The following RAB15 variants were observed in gnomAD, a reference collection of about 807,000 sequenced individuals.
RAB15 encodes RAB15, member RAS oncogene family.
Under a neutral mutation model 31.8 loss-of-function variants are expected in RAB15, and 13 were observed. That is an observed-to-expected ratio of 0.41 (90% CI 0.27 to 0.65). The LOEUF is 0.65. Ranked by LOEUF, RAB15 falls within the 30% of genes least tolerant of loss-of-function variation. The pLI, the probability that RAB15 is intolerant of heterozygous loss-of-function variation, is 0.32. For synonymous variants in RAB15, 100 were observed against 105.6 expected, an observed-to-expected ratio of 0.95 and a Z score of 0.33; for missense variants, 220 against 277.3, an observed-to-expected ratio of 0.79 and a Z score of 1.47.
At chr14:64,964,538 AG>A (rs1566848600) in intron 1 of RAB15, among the ~76,000 whole-genome samples, 29 of 150,870 alleles carry the variant, frequency 1.9e-4, no homozygotes, top group African/African-American at 6.9e-4. Context: ...AAAGAAAAAA[AG>A]AAAAAAGAAA....
chr14:64,961,135 T>C (rs1886831197), intron 1 of RAB15, among the ~76,000 whole-genome samples: 1 of 152,140 alleles, frequency 6.6e-6, no homozygotes, highest in Non-Finnish European at 1.5e-5. Context: ...AACAACCTAA[T>C]ACACCTGAAA....
chr14:64,947,224 G>A lies in RAB15; in HGVS notation c.*1130C>T, dbSNP rs1396727787. On this transcript the variant is annotated 3_prime_UTR_variant, in exon 7 of 7. Coordinates refer to ENST00000533601, the MANE Select transcript of RAB15 (RefSeq NM_001308154.2). This position sits in a 1 kb window ranked among gnomAD's most constrained non-coding sequence, Gnocchi z 5.6. ...TCTTACCTAAGAAATGGAAGATGGGGCCTAGGAGGCCCTGCTGTTGCTACA... is the reference window on the plus strand; with the variant it reads ...TCTTACCTAAGAAATGGAAGATGGGACCTAGGAGGCCCTGCTGTTGCTACA... The A allele has an allele frequency of 6.6e-6, 1 of 152,412 alleles. No homozygotes were observed. The highest frequency in any genetic ancestry group is 1.5e-5 in the Non-Finnish European group (1 of 68,066). 9.4% of individuals were successfully genotyped at this position (152,412 alleles called of 1,614,324 possible).
chr14:64,971,756 G>T lies in RAB15; in HGVS notation c.124+197C>A. ...CAAGAGGCGGGAGACCCCACCCCTGGTCCGGACGGCAGGCAGCAGGGACAC... is the reference window on the plus strand; with the variant it reads ...CAAGAGGCGGGAGACCCCACCCCTGTTCCGGACGGCAGGCAGCAGGGACAC... On this transcript the variant is annotated intron_variant, in intron 1 of 6. Coordinates refer to ENST00000533601, the MANE Select transcript of RAB15 (RefSeq NM_001308154.2). The surrounding 1 kb of genome is among the most constrained non-coding windows in gnomAD (Gnocchi z 4.1). The T allele has an allele frequency of 1.7e-6, 1 of 587,422 alleles. No homozygotes were observed. The highest frequency in any genetic ancestry group is 3.0e-6 in the Non-Finnish European group (1 of 333,188). The allele number at this position is 587,422 out of a possible 1,614,324, so 36.4% of individuals were successfully genotyped here. A position where few individuals can be genotyped will look rare whatever the true frequency, so the allele number is the denominator to read the frequency against.
In RAB15 at chr14:64,948,350, G is replaced by C. The variant is rs753730535; in HGVS notation, c.*4C>G. The C allele has an allele frequency of 1.9e-6, 3 of 1,545,348 alleles. No homozygotes were observed. The African/African-American group carries it at 4.1e-5, about 21-fold the overall frequency. On this transcript the variant is annotated 3_prime_UTR_variant, in exon 7 of 7. Coordinates refer to ENST00000533601, the MANE Select transcript of RAB15 (RefSeq NM_001308154.2). The surrounding 1 kb of genome is among the most constrained non-coding windows in gnomAD (Gnocchi z 7.0). ...GGTGTCGTGTGGGGTGCCCCACACAGGACTCAGCACCAGCAGGTTTTCGAA... is the reference window on the plus strand; with the variant it reads ...GGTGTCGTGTGGGGTGCCCCACACACGACTCAGCACCAGCAGGTTTTCGAA...
intron 5 of RAB15, among the ~76,000 whole-genome samples, chr14:64,949,821 A>T (rs772610626): frequency 2.0e-5 from 3 of 151,442 alleles, no homozygotes; most frequent in Non-Finnish European, 4.4e-5. Context: ...ACATTCCCTC[A>T]GCGTCATCCT....
intron 1 of RAB15, among the ~76,000 whole-genome samples, chr14:64,959,140 G>A (rs1886725739): frequency 6.6e-6 from 1 of 152,202 alleles, no homozygotes. Flanking sequence ...AGAAAGAAGC[G>A]GAGAGGCCTA....
Position 64,954,995 on chromosome 14 carries a change from G to A in RAB15, c.125-2424C>T, listed in dbSNP as rs2139977323. 6.6e-6 allele frequency among the ~76,000 whole-genome samples: 1 copy of A among 152,200 alleles called. No individual in the cohort carries two copies. The highest frequency in any genetic ancestry group is 1.9e-4 in the East Asian group (1 of 5,176). ...AGGGTACTCCACCGGAAGTGAGGCTGGGCAGTGACTCCTTCTCACCTCCTC... is the reference window on the plus strand; with the variant it reads ...AGGGTACTCCACCGGAAGTGAGGCTAGGCAGTGACTCCTTCTCACCTCCTC... On this transcript the variant is annotated intron_variant, in intron 1 of 6. Coordinates refer to ENST00000533601, the MANE Select transcript of RAB15 (RefSeq NM_001308154.2). This position sits in a 1 kb window ranked among gnomAD's most constrained non-coding sequence, Gnocchi z 4.3.
chr14:64,954,631 AG>A lies in RAB15; in HGVS notation c.125-2061del. ...TGAAAAAGACATGGCCCCTGCCCTC[AG>A]AGAGCCTAGTGGAAAGGAAACAAGG... On this transcript the variant is annotated intron_variant, in intron 1 of 6. Transcript: ENST00000533601. The surrounding 1 kb of genome is among the most constrained non-coding windows in gnomAD (Gnocchi z 4.3). 1 of 654,176 alleles carries A rather than the reference AG, an allele frequency of 1.5e-6. No homozygotes were observed. The highest frequency in any genetic ancestry group is 6.8e-5 in the South Asian group (1 of 14,710). 40.5% of individuals were successfully genotyped at this position (654,176 alleles called of 1,614,324 possible).
At chr14:64,965,725 T>C (rs1887100025) in intron 1 of RAB15, among the ~76,000 whole-genome samples, 1 of 152,090 alleles carries the variant, frequency 6.6e-6, no homozygotes. Context: ...TTTCATGTTA[T>C]AAAGCTCATC....
chr14:64,956,787 TG>T (rs1886599062), intron 1 of RAB15, among the ~76,000 whole-genome samples: 1 of 152,142 alleles, frequency 6.6e-6, no homozygotes, highest in Non-Finnish European at 1.5e-5. Flanking sequence ...AACAGCACTG[TG>T]GGTGATATTA....
rs2139975224 is a variant in RAB15, at chr14:64,953,941, C to T, written c.125-1370G>A. ...ACCAGCATCCCCATCACCACTGCCA[C>T]TCCACCTCCGCATCAGTTATTTGCC... On this transcript the variant is annotated intron_variant, in intron 1 of 6. Transcript: ENST00000533601. This position sits in a 1 kb window ranked among gnomAD's most constrained non-coding sequence, Gnocchi z 4.6. 1.0e-6 allele frequency: 1 copy of T among 985,434 alleles called. No individual in the cohort carries two copies. Among genetic ancestry groups the T allele is most frequent in the East Asian group, 1.1e-4 (1 of 8,818 alleles). The allele number at this position is 985,434 out of a possible 1,614,324, so 61.0% of individuals were successfully genotyped here.
Position 64,970,273 on chromosome 14 carries a change from A to T in RAB15, c.124+1680T>A, listed in dbSNP as rs1748642121. Among the ~76,000 whole-genome samples, 1 of 152,144 alleles carries T rather than the reference A, an allele frequency of 6.6e-6. No individual in the cohort carries two copies. The highest frequency in any genetic ancestry group is 1.5e-5 in the Non-Finnish European group (1 of 68,026). On this transcript the variant is annotated intron_variant, in intron 1 of 6. Transcript: ENST00000533601. The surrounding 1 kb of genome is among the most constrained non-coding windows in gnomAD (Gnocchi z 4.1). ...CACCGCCCTTTGTCCCTGAGCCCAC[A>T]ACCTGTCCTCATACACCATCTGGTT...
At position 64,950,130 on chromosome 14, in the gene RAB15, G is replaced by A. The variant is rs1236321176; in HGVS notation, c.414+195C>T. Among the ~76,000 whole-genome samples the A allele has an allele frequency of 3.9e-5, 6 of 152,116 alleles. No homozygotes were observed. The highest frequency in any genetic ancestry group is 7.4e-5 in the Non-Finnish European group (5 of 68,026). On this transcript the variant is annotated intron_variant, in intron 5 of 6. Coordinates refer to ENST00000533601, the MANE Select transcript of RAB15 (RefSeq NM_001308154.2). This position sits in a 1 kb window ranked among gnomAD's most constrained non-coding sequence, Gnocchi z 5.6. ...ACGTCTTTGTTTCTGGATGGACCCCGAATCTCTGGGCTTCTGTCCTGAAAC... is the reference window on the plus strand; with the variant it reads ...ACGTCTTTGTTTCTGGATGGACCCCAAATCTCTGGGCTTCTGTCCTGAAAC...
At position 64,954,405 on chromosome 14, in the gene RAB15, A is replaced by G; in HGVS notation, c.125-1834T>C. 1 of 985,432 alleles carries G rather than the reference A, an allele frequency of 1.0e-6. No individual in the cohort carries two copies. Among genetic ancestry groups the G allele is most frequent in the South Asian group, 4.7e-5 (1 of 21,292 alleles). 61.0% of individuals were successfully genotyped at this position (985,432 alleles called of 1,614,324 possible). ...TTTCATGATACAGCACCTTCTTCCA[A>G]GAAGAACGAGAAATTTTCTCCAATT... is the stretch of plus-strand genomic sequence containing the variant. On this transcript the variant is annotated intron_variant, in intron 1 of 6. Transcript: ENST00000533601. The surrounding 1 kb of genome is among the most constrained non-coding windows in gnomAD (Gnocchi z 4.3).
In RAB15 at chr14:64,954,426, C is replaced by T; in HGVS notation, c.125-1855G>A. ...TCCAAGAAGAACGAGAAATTTTCTC[C>T]AATTTGTAATATACCTGGTTTATCC... On this transcript the variant is annotated intron_variant, in intron 1 of 6. Transcript: ENST00000533601. The surrounding 1 kb of genome is among the most constrained non-coding windows in gnomAD (Gnocchi z 4.3). 1 of 985,408 alleles carries T rather than the reference C, an allele frequency of 1.0e-6. No individual in the cohort carries two copies. The highest frequency in any genetic ancestry group is 1.2e-6 in the Non-Finnish European group (1 of 829,928). 61.0% of individuals were successfully genotyped at this position (985,408 alleles called of 1,614,324 possible). A position where few individuals can be genotyped will look rare whatever the true frequency, so the allele number is the denominator to read the frequency against.
rs1488274678 is a variant in RAB15 at position 64,971,970 on chromosome 14, G to A, written c.107C>T (p.Ser36Leu). Residue 36 changes from serine (S) to leucine (L), a missense_variant, in exon 1 of 7, where the codon TCG becomes TTG. Coordinates refer to ENST00000533601, the MANE Select transcript of RAB15 (RefSeq NM_001308154.2). The surrounding 1 kb of genome is among the most constrained non-coding windows in gnomAD (Gnocchi z 4.1). ...CCCCTTACCGATGGTGGAGATGTGC[G>A]AGGAGTGGAACTCGTTGTCGGTGAA... Reference protein sequence around the residue: ...CRFTDNEFHSSHISTIGVDFK... With the variant: ...CRFTDNEFHSLHISTIGVDFK... 12 of 1,589,386 alleles carry A rather than the reference G, an allele frequency of 7.6e-6. No homozygotes were observed. Among genetic ancestry groups the A allele is most frequent in the East Asian group, 2.3e-5 (1 of 43,180 alleles).
rs1157233046 is a variant in RAB15, at chr14:64,955,620, T to C, written c.125-3049A>G. ...CCAGGGCACCCCCTCCCCACCCCTG[T>C]GCTCTCAGCAGGATACCTTCTCCAC... On this transcript the variant is annotated intron_variant, in intron 1 of 6. Transcript: ENST00000533601. This position sits in a 1 kb window ranked among gnomAD's most constrained non-coding sequence, Gnocchi z 4.4. 6.6e-6 allele frequency among the ~76,000 whole-genome samples: 1 copy of C among 152,232 alleles called. No individual in the cohort carries two copies. The highest frequency in any genetic ancestry group is 1.9e-4 in the East Asian group (1 of 5,200).
chr14:64,969,624 G>C (rs938546910), intron 1 of RAB15, among the ~76,000 whole-genome samples: 9 of 152,168 alleles, frequency 5.9e-5, no homozygotes, highest in African/African-American at 2.2e-4. Flanking sequence ...GTAGAAAGGG[G>C]AACCCGGGTG....
intron 1 of RAB15, among the ~76,000 whole-genome samples, chr14:64,960,152 G>C (rs1403392100): frequency 6.6e-6 from 1 of 152,214 alleles, no homozygotes; most frequent in Admixed American, 6.5e-5. Context: ...TGCTGTTGGA[G>C]AACTGGGAAG....
Sources: allele counts gnomAD v4.1 joint callset (sites outside exome capture counted in the v4.1 genomes callset), GRCh38; gene constraint gnomAD v4.1.1; non-coding constraint Gnocchi (gnomAD v3.1); transcripts MANE v1.5; gene names NCBI Gene and HGNC (gene_info 2026-07-23, HGNC 2026-07-21).